The following GPC5 variants were observed in gnomAD, a reference collection of about 807,000 sequenced individuals.
The protein encoded by GPC5 is glypican-5.
In GPC5, 47 loss-of-function variants were observed where a neutral mutation model predicts 53.9. The observed-to-expected ratio is 0.87, with a 90% CI of 0.69 to 1.11. The LOEUF (loss-of-function observed/expected upper bound fraction) is 1.11, where lower values mean the gene tolerates loss of function less well. Among genes scored for constraint, GPC5 ranks in the 50% most tolerant of loss-of-function variants. The pLI is 0.00. For missense variants in GPC5, 748 were observed against 713.1 expected, an observed-to-expected ratio of 1.05 and a Z score of -0.56; for synonymous variants, 286 against 263.3, an observed-to-expected ratio of 1.09 and a Z score of -0.84.
intron 7 of GPC5, among the ~76,000 whole-genome samples, chr13:92,339,249 A>ATGCT (rs1566545563): frequency 6.6e-6 from 1 of 151,692 alleles, no homozygotes; most frequent in Admixed American, 6.6e-5. Flanking sequence ...ATGTTTCTTT[A>ATGCT]TGCTTGTCTT....
intron 7 of GPC5, among the ~76,000 whole-genome samples, chr13:92,329,134 C>G (rs1196940009): frequency 6.6e-6 from 1 of 152,090 alleles, no homozygotes; most frequent in South Asian, 2.1e-4. Flanking sequence ...TTATAACATT[C>G]CTCCTGTTCA....
chr13:91,483,669 A>G (rs774090620), intron 2 of GPC5, among the ~76,000 whole-genome samples: 7 of 152,194 alleles, frequency 4.6e-5, no homozygotes, highest in African/African-American at 1.4e-4. Context: ...TTAAAAAAAT[A>G]TTATTCTTCT....
At chr13:92,478,553 G>A (rs1323787070) in intron 7 of GPC5, among the ~76,000 whole-genome samples, 4 of 152,094 alleles carry the variant, frequency 2.6e-5, no homozygotes, top group South Asian at 2.1e-4. Context: ...ACTTAATATC[G>A]CAGTGGTAAT....
At chr13:92,130,590 A>G (rs750409621) in intron 6 of GPC5, among the ~76,000 whole-genome samples, 31 of 152,122 alleles carry the variant, frequency 2.0e-4, no homozygotes, top group Non-Finnish European at 3.8e-4. Flanking sequence ...GCCAGTAATC[A>G]TTGACACAAA....
Position 91,750,711 on chromosome 13 carries a change from G to A in GPC5, c.1155-5584G>A, listed in dbSNP as rs1011897580. ...TTTTTTTTTTTTGAGATGGAGTTTC[G>A]CTCTTGCTGCCCAGGCTGGAGTGCA... On this transcript the variant is annotated intron_variant, in intron 4 of 7. Transcript: ENST00000377067. 1.0e-4 allele frequency among the ~76,000 whole-genome samples: 11 copies of A among 110,264 alleles called. No homozygotes were observed. In the South Asian group the frequency reaches 2.2e-3, roughly 22 times the overall value. The allele number at this position is 110,264 out of a possible 152,430, so 72.3% of individuals were successfully genotyped here.
chr13:92,218,465 G>A (rs538170707), intron 7 of GPC5, among the ~76,000 whole-genome samples: 1 of 152,224 alleles, frequency 6.6e-6, no homozygotes, highest in African/African-American at 2.4e-5. Flanking sequence ...AAAGAAAAAA[G>A]TTTTCCCTTC....
intron 1 of GPC5, among the ~76,000 whole-genome samples, chr13:91,438,950 C>T (rs986783016): frequency 6.6e-6 from 1 of 152,218 alleles, no homozygotes; most frequent in Non-Finnish European, 1.5e-5. Context: ...GGGCGTAGGA[C>T]CCTCCGAGCC....
At chr13:92,079,595 C>G (rs950033339) in intron 6 of GPC5, among the ~76,000 whole-genome samples, 1 of 152,222 alleles carries the variant, frequency 6.6e-6, no homozygotes, top group Non-Finnish European at 1.5e-5. Flanking sequence ...TCTTTCCTTA[C>G]TTCGACAACA....
rs777799898 is a variant in GPC5, at chr13:92,525,479, T to TGTGA, written c.1562-340802_1562-340801insTGAG. Among the ~76,000 whole-genome samples, 280 of 144,738 alleles carry TGTGA rather than the reference T, an allele frequency of 1.9e-3. 1 individual carries two copies. The highest frequency in any genetic ancestry group is 7.0e-3 in the African/African-American group (271 of 38,630). The allele number at this position is 144,738 out of a possible 152,430, so 95.0% of individuals were successfully genotyped here. ...GTGTGTGTGTGTGTGTGTGTGTGTG[T>TGTGA]GAAACAACCAGAAAAGCTTAGAAGA... On this transcript the variant is annotated intron_variant, in intron 7 of 7. Transcript: ENST00000377067.
intron 7 of GPC5, among the ~76,000 whole-genome samples, chr13:92,559,330 A>ATGTGTGTGTGTGTGTG (rs5805755): frequency 1.4e-5 from 2 of 143,024 alleles, no homozygotes; most frequent in Admixed American, 1.4e-4. Context: ...TAGTGTGTAT[A>ATGTGTGTGTGTGTGTG]TGTGTGTGTG....
intron 5 of GPC5, among the ~76,000 whole-genome samples, chr13:91,785,665 AAC>A (rs1266430665): frequency 1.3e-5 from 2 of 152,210 alleles, no homozygotes; most frequent in Admixed American, 6.5e-5. Flanking sequence ...CTTAGTCATT[AAC>A]ACATTTTTAT....
chr13:92,081,322 G>A (rs558221076), intron 6 of GPC5, among the ~76,000 whole-genome samples: 2 of 152,128 alleles, frequency 1.3e-5, no homozygotes, highest in South Asian at 2.1e-4. Flanking sequence ...GGCTGGTCTC[G>A]AACTCCTGAC....
chr13:92,798,826 GAATTT>G (rs1876798950), intron 7 of GPC5, among the ~76,000 whole-genome samples: 1 of 151,824 alleles, frequency 6.6e-6, no homozygotes, highest in South Asian at 2.1e-4. Context: ...TAAGTCACGT[GAATTT>G]AATTATGAAC....
At chr13:92,159,323 C>T (rs1655396598) in intron 7 of GPC5, among the ~76,000 whole-genome samples, 1 of 152,134 alleles carries the variant, frequency 6.6e-6, no homozygotes, top group Non-Finnish European at 1.5e-5. Flanking sequence ...GAGTCACTCC[C>T]CAGCCTCCAG....
At chr13:92,522,318 C>T (rs549561802) in intron 7 of GPC5, among the ~76,000 whole-genome samples, 11 of 152,064 alleles carry the variant, frequency 7.2e-5, no homozygotes, top group East Asian at 1.9e-4. Context: ...CACATGCACA[C>T]GTATGTTTAT....
chr13:91,834,671 G>A (rs2038702990), intron 5 of GPC5, among the ~76,000 whole-genome samples: 1 of 152,152 alleles, frequency 6.6e-6, no homozygotes, highest in Non-Finnish European at 1.5e-5. Flanking sequence ...AATAAATGGT[G>A]TTAGGAAAAC....
chr13:92,341,278 C>A (rs34669502), intron 7 of GPC5, among the ~76,000 whole-genome samples: 1 of 152,000 alleles, frequency 6.6e-6, no homozygotes, highest in African/African-American at 2.4e-5. Context: ...TCATCAAGCA[C>A]GTATGGAGAA....
At chr13:91,599,468 CA>C (rs2033105286) in intron 2 of GPC5, among the ~76,000 whole-genome samples, 1 of 152,020 alleles carries the variant, frequency 6.6e-6, no homozygotes, top group African/African-American at 2.4e-5. Flanking sequence ...TAAACATCAT[CA>C]TTAAAAAAAT....
At chr13:92,544,122 T>TAA (rs1882022417) in intron 7 of GPC5, among the ~76,000 whole-genome samples, 2 of 152,090 alleles carry the variant, frequency 1.3e-5, no homozygotes, top group Admixed American at 6.6e-5. Flanking sequence ...CAAACCTGGT[T>TAA]TGAGAGGGAG....
Sources: gnomAD v4.1 joint callset for allele counts (sites outside exome capture counted in the v4.1 genomes callset) on GRCh38, gnomAD v4.1.1 for gene constraint, MANE v1.5 for transcripts, NCBI Gene and HGNC (gene_info 2026-07-23, HGNC 2026-07-21) for gene names.